Variants in OSBP2 observed in about 807,000 individuals in gnomAD.
OSBP2 encodes oxysterol binding protein 2, also known as oxysterol-binding protein 2.
Under a neutral mutation model 96.0 loss-of-function variants are expected in OSBP2, and 66 were observed. That is an observed-to-expected ratio of 0.69 (90% CI 0.56 to 0.84). The LOEUF (loss-of-function observed/expected upper bound fraction) is 0.84. Ranked by LOEUF, OSBP2 falls within the 40% of genes least tolerant of loss-of-function variation. The pLI is 0.00. For missense variants in OSBP2, 1,038 were observed against 1,222.7 expected, an observed-to-expected ratio of 0.85 and a Z score of 2.25; for synonymous variants, 525 against 520.9, an observed-to-expected ratio of 1.01 and a Z score of -0.11.
At chr22:30,770,820 T>C (rs943406250) in intron 2 of OSBP2, 1 of 153,308 alleles carries the variant, frequency 6.5e-6, no homozygotes, top group Non-Finnish European at 1.5e-5. Flanking sequence ...CTGCCCTGGC[T>C]CTTGCCTGGC....
At chr22:30,860,630 G>A (rs1262514012) in intron 2 of OSBP2, among the ~76,000 whole-genome samples, 5 of 152,250 alleles carry the variant, frequency 3.3e-5, no homozygotes, top group African/African-American at 1.2e-4. Context: ...GGCCTGGGCA[G>A]CCACCCCTCT....
chr22:30,804,473 AG>A (rs1278372080), intron 2 of OSBP2, among the ~76,000 whole-genome samples: 1 of 151,960 alleles, frequency 6.6e-6, no homozygotes, highest in African/African-American at 2.4e-5. Context: ...ATGAAAGAGG[AG>A]GGGGGAAGAT....
In OSBP2 at chr22:30,736,775, A is replaced by AT. The variant is rs2089862444; in HGVS notation, c.645-4382dup. On this transcript the variant is annotated intron_variant, in intron 1 of 13. Transcript: ENST00000332585. ...AAATTCCATTAGTCTCTTTTTTTCT[A>AT]TTTTATAATTCAATCCAAGATTCTG... Among the ~76,000 whole-genome samples, 6 of 152,150 alleles carry AT rather than the reference A, an allele frequency of 3.9e-5. 1 individual carries two copies. Among genetic ancestry groups the AT allele is most frequent in the Admixed American group, 3.9e-4 (6 of 15,294 alleles).
At chr22:30,810,338 G>A (rs554886991) in intron 2 of OSBP2, among the ~76,000 whole-genome samples, 1 of 152,256 alleles carries the variant, frequency 6.6e-6, no homozygotes, top group Admixed American at 6.5e-5. Flanking sequence ...TGGATTCAGG[G>A]ATGACTTGTC....
intron 1 of OSBP2, among the ~76,000 whole-genome samples, chr22:30,717,199 C>T (rs1441552318): frequency 6.7e-6 from 1 of 149,756 alleles, no homozygotes; most frequent in African/African-American, 2.5e-5. Context: ...GATTCTCCTA[C>T]CTCAGCCTCC....
intron 2 of OSBP2, among the ~76,000 whole-genome samples, chr22:30,765,494 C>CA (rs1315083141): frequency 6.6e-6 from 1 of 152,162 alleles, no homozygotes; most frequent in Non-Finnish European, 1.5e-5. Flanking sequence ...CAGGCGTGAG[C>CA]AACCACTCCC....
chr22:30,818,524 A>G (rs968820180), intron 2 of OSBP2, among the ~76,000 whole-genome samples: 3 of 152,148 alleles, frequency 2.0e-5, no homozygotes, highest in African/African-American at 7.2e-5. Context: ...ATGTACTACC[A>G]TGTTGTCCCC....
intron 3 of OSBP2, among the ~76,000 whole-genome samples, chr22:30,873,841 C>T (rs944438324): frequency 2.1e-4 from 32 of 152,198 alleles, no homozygotes; most frequent in African/African-American, 5.3e-4. Context: ...CTTCACAGCG[C>T]GCTGGGGCAG....
intron 1 of OSBP2, among the ~76,000 whole-genome samples, chr22:30,734,513 A>C (rs929325128): frequency 6.6e-6 from 1 of 152,176 alleles, no homozygotes; most frequent in African/African-American, 2.4e-5. Context: ...TGGAAGCTTA[A>C]CCTTCATAGA....
chr22:30,761,414 G>A (rs2090203376), intron 2 of OSBP2, among the ~76,000 whole-genome samples: 5 of 152,096 alleles, frequency 3.3e-5, no homozygotes, highest in Admixed American at 3.3e-4. Flanking sequence ...TATGTAAATA[G>A]TGTTAAATAC....
rs2040223706 is a variant in OSBP2 at position 30,902,140 on chromosome 22, C to CGA, written c.2376-3697_2376-3696insGA. The CGA allele has an allele frequency of 3.1e-5, 8 of 258,620 alleles. 2 individuals carry two copies. The South Asian group carries it at 6.4e-4, about 21-fold the overall frequency. 16.0% of individuals were successfully genotyped at this position (258,620 alleles called of 1,614,324 possible). On this transcript the variant is annotated intron_variant, in intron 12 of 13. Coordinates refer to ENST00000332585, the MANE Select transcript of OSBP2 (RefSeq NM_030758.4). The stretch of plus-strand genomic sequence containing the variant: ...AAAAAAAAAACGAAAAAAAAAAAAC[C>CGA]AAAAAAAAAAAACAGAGGGTCCCAC...
intron 1 of OSBP2, among the ~76,000 whole-genome samples, chr22:30,704,889 T>C (rs959301075): frequency 6.6e-6 from 1 of 152,208 alleles, no homozygotes; most frequent in Non-Finnish European, 1.5e-5. Flanking sequence ...GAAGCAGGCC[T>C]GTCAAAGGAC....
At chr22:30,836,101 C>T (rs987646922) in intron 2 of OSBP2, among the ~76,000 whole-genome samples, 1 of 152,202 alleles carries the variant, frequency 6.6e-6, no homozygotes, top group Admixed American at 6.5e-5. Flanking sequence ...CTGATCCACT[C>T]TACCACTTCT....
At chr22:30,851,460 C>T (rs2038976582) in intron 2 of OSBP2, among the ~76,000 whole-genome samples, 1 of 152,114 alleles carries the variant, frequency 6.6e-6, no homozygotes, top group Admixed American at 6.6e-5. Flanking sequence ...TTTCTAAATT[C>T]ACATTTTAGT....
intron 1 of OSBP2, among the ~76,000 whole-genome samples, chr22:30,715,699 G>GTGATTGAT (rs1331241092): frequency 4.0e-5 from 6 of 151,586 alleles, no homozygotes; most frequent in Non-Finnish European, 8.8e-5. Flanking sequence ...TTGATTACAG[G>GTGATTGAT]TGCCTGCCAC....
chr22:30,706,577 C>T (rs529327062), intron 1 of OSBP2, among the ~76,000 whole-genome samples: 295 of 152,240 alleles, frequency 1.9e-3, no homozygotes, highest in Non-Finnish European at 3.5e-3. Context: ...CAGGAGGTGC[C>T]GCCTTCCTAA....
chr22:30,865,703 C>A (rs1306102997), intron 2 of OSBP2, among the ~76,000 whole-genome samples: 2 of 151,516 alleles, frequency 1.3e-5, no homozygotes, highest in African/African-American at 4.9e-5. Flanking sequence ...GGTGACCGGG[C>A]CAGGGGCCTA....
intron 1 of OSBP2, among the ~76,000 whole-genome samples, chr22:30,695,842 T>G (rs2089021025): frequency 6.6e-6 from 1 of 152,148 alleles, no homozygotes; most frequent in Non-Finnish European, 1.5e-5. Context: ...CCCTTCTGCT[T>G]GGCAGTTGTG....
intron 3 of OSBP2, among the ~76,000 whole-genome samples, chr22:30,880,160 ACT>A (rs1411747211): frequency 1.3e-5 from 2 of 151,908 alleles, no homozygotes; most frequent in African/African-American, 2.4e-5. Flanking sequence ...GGAGACCCTG[ACT>A]CTCTGCGATC....
Sources: allele counts gnomAD v4.1 joint callset (sites outside exome capture counted in the v4.1 genomes callset), GRCh38; gene constraint gnomAD v4.1.1; transcripts MANE v1.5; gene names NCBI Gene and HGNC (gene_info 2026-07-23, HGNC 2026-07-21).